TRAK1: variants seen among roughly 807,000 people sequenced by gnomAD.
The protein encoded by TRAK1 is trafficking kinesin-binding protein 1.
Under a neutral mutation model 92.1 loss-of-function variants are expected in TRAK1, and 33 were observed. The observed-to-expected ratio is 0.36, with a 90% CI of 0.27 to 0.48. The LOEUF (loss-of-function observed/expected upper bound fraction) is 0.48. TRAK1 is among the 20% of genes least tolerant of loss of function. The probability of loss-of-function intolerance (pLI) is 0.99; values close to 1 mark genes in which losing one functional copy is unlikely to be tolerated. For missense variants in TRAK1, 1,123 were observed against 1,257.9 expected, an observed-to-expected ratio of 0.89 and a Z score of 1.62; for synonymous variants, 521 against 517.3, an observed-to-expected ratio of 1.01 and a Z score of -0.10.
chr3:42,110,031 C>T (rs994034844), intron 1 of TRAK1, among the ~76,000 whole-genome samples: 1 of 137,690 alleles, frequency 7.3e-6, no homozygotes, highest in Non-Finnish European at 1.6e-5. Flanking sequence ...AGCACACCAA[C>T]ATGGCACATG....
intron 1 of TRAK1, among the ~76,000 whole-genome samples, chr3:42,019,387 C>T (rs766352193): frequency 6.6e-6 from 1 of 152,156 alleles, no homozygotes; most frequent in African/African-American, 2.4e-5. Flanking sequence ...GCCATCTTCC[C>T]GCTTTGGCTT....
chr3:42,093,916 C>T (rs917989188), intron 1 of TRAK1, among the ~76,000 whole-genome samples: 2 of 151,740 alleles, frequency 1.3e-5, no homozygotes, highest in African/African-American at 2.4e-5. Flanking sequence ...GTTGCCCAGG[C>T]TGATCCCAAA....
chr3:42,223,608 T>C lies in TRAK1; in HGVS notation c.2733T>C (p.Asn911=). Residue 911 remains asparagine, a synonymous_variant, in exon 16 of 16, where the codon AAT becomes AAC. Transcript: ENST00000327628. The surrounding 1 kb of genome is among the most constrained non-coding windows in gnomAD (Gnocchi z 6.1). ...VTSAIGGLQL[N]SGIRRNRSFP... Reference sequence around the variant, plus strand: ...GTGCCATCGGTGGGCTGCAGCTCAATAGTGGCATCCGGCGGAATCGCAGCT... The same window carrying C: ...GTGCCATCGGTGGGCTGCAGCTCAACAGTGGCATCCGGCGGAATCGCAGCT... 6.2e-7 allele frequency: 1 copy of C among 1,613,946 alleles called. No homozygotes were observed. Among genetic ancestry groups the C allele is most frequent in the Non-Finnish European group, 8.5e-7 (1 of 1,179,992 alleles).
chr3:42,078,372 G>A (rs1704259040), intron 1 of TRAK1, among the ~76,000 whole-genome samples: 1 of 152,154 alleles, frequency 6.6e-6, no homozygotes, highest in African/African-American at 2.4e-5. Context: ...TTGACCTTAA[G>A]ATAGGGAGAT....
intron 4 of TRAK1, among the ~76,000 whole-genome samples, chr3:42,186,979 T>G (rs1704976386): frequency 6.6e-6 from 1 of 152,232 alleles, no homozygotes; most frequent in South Asian, 2.1e-4. Flanking sequence ...CAATTCTTCT[T>G]ATAGCACTGG....
In TRAK1 at chr3:42,035,097, A is replaced by G. The variant is rs186188160; in HGVS notation, c.-519+20980A>G. Among the ~76,000 whole-genome samples the G allele has an allele frequency of 8.3e-4, 127 of 152,290 alleles. 1 individual carries two copies. The highest frequency in any genetic ancestry group is 1.2e-3 in the Non-Finnish European group (81 of 68,032). ...ATCTGAGCCTGTTATTCGAGCACCC[A>G]TAACCCAGTGAATATGGTGCTAAGT... On this transcript the variant is annotated intron_variant, in intron 1 of 16. Coordinates refer to the TRAK1 transcript ENST00000487159.
At chr3:42,187,129 T>A in intron 4 of TRAK1, among the ~76,000 whole-genome samples, 1 of 152,232 alleles carries the variant, frequency 6.6e-6, no homozygotes, top group East Asian at 1.9e-4. Flanking sequence ...TCCCTGATGG[T>A]TGGCTCTTTT....
intron 1 of TRAK1, among the ~76,000 whole-genome samples, chr3:42,115,937 C>A (rs897348805): frequency 6.6e-6 from 1 of 152,222 alleles, no homozygotes; most frequent in African/African-American, 2.4e-5. Flanking sequence ...ACAGTTTCCC[C>A]TTCTGTCTTT....
intron 1 of TRAK1, among the ~76,000 whole-genome samples, chr3:42,106,035 G>C (rs1365230268): frequency 6.6e-6 from 1 of 152,170 alleles, no homozygotes; most frequent in African/African-American, 2.4e-5. Context: ...AACATGGAAA[G>C]GAACAACCAG....
intron 2 of TRAK1, among the ~76,000 whole-genome samples, chr3:42,147,921 T>C (rs1699517883): frequency 6.6e-6 from 1 of 152,176 alleles, no homozygotes; most frequent in Non-Finnish European, 1.5e-5. Context: ...CGATACAAAG[T>C]ATGGATTCCA....
intron 1 of TRAK1, among the ~76,000 whole-genome samples, chr3:42,025,955 T>C (rs768208788): frequency 6.6e-6 from 1 of 152,214 alleles, no homozygotes; most frequent in African/African-American, 2.4e-5. Context: ...TTTTTTCCCA[T>C]GAACTTTTTT....
intron 2 of TRAK1, among the ~76,000 whole-genome samples, chr3:42,138,474 C>A (rs919520502): frequency 6.6e-6 from 1 of 152,036 alleles, no homozygotes; most frequent in East Asian, 1.9e-4. Context: ...CCTTCCTTAT[C>A]TTTTTCCATA....
intron 1 of TRAK1, among the ~76,000 whole-genome samples, chr3:42,113,155 C>T (rs7426457): frequency 0.44 from 66,540 of 152,036 alleles, 15,403 homozygotes; most frequent in South Asian, 0.6. Flanking sequence ...CTGAGGTGGG[C>T]GGATCAGTTA....
chr3:42,151,392 G>A (rs992350203), intron 2 of TRAK1: 3 of 456,396 alleles, frequency 6.6e-6, no homozygotes, highest in Admixed American at 2.4e-5. Context: ...TCCTCTAAGA[G>A]CAAAGGAAAA....
chr3:42,222,400 A>G (rs1710445645), intron 15 of TRAK1, among the ~76,000 whole-genome samples: 1 of 152,212 alleles, frequency 6.6e-6, no homozygotes, highest in African/African-American at 2.4e-5. Context: ...CTGGATGGGC[A>G]CAGCCTGGCC....
intron 1 of TRAK1, among the ~76,000 whole-genome samples, chr3:42,070,967 G>A (rs1362468988): frequency 1.3e-5 from 2 of 151,704 alleles, no homozygotes; most frequent in Non-Finnish European, 2.9e-5. Context: ...AGGCCTGTGG[G>A]CAAGTTATCT....
chr3:42,160,317 G>A, intron 2 of TRAK1: 1 of 1,609,022 alleles, frequency 6.2e-7, no homozygotes, highest in Non-Finnish European at 8.5e-7. Flanking sequence ...CACCCCCAAG[G>A]ATGGTCCCTT....
upstream of TRAK1, among the ~76,000 whole-genome samples, chr3:42,089,412 A>G (rs917603480): frequency 1.5e-4 from 23 of 152,016 alleles, no homozygotes; most frequent in African/African-American, 5.3e-4. Context: ...ATACAATCAG[A>G]TGGTTTAACT....
intron 1 of TRAK1, among the ~76,000 whole-genome samples, chr3:42,041,765 A>G (rs1377852697): frequency 6.6e-6 from 1 of 151,032 alleles, no homozygotes; most frequent in Non-Finnish European, 1.5e-5. Flanking sequence ...GGGTTGAGGA[A>G]GTTCCCTTCT....
Sources: gnomAD v4.1 joint callset for allele counts (sites outside exome capture counted in the v4.1 genomes callset) on GRCh38, gnomAD v4.1.1 for gene constraint, Gnocchi (gnomAD v3.1) non-coding constraint, MANE v1.5 for transcripts, NCBI Gene and HGNC (gene_info 2026-07-23, HGNC 2026-07-21) for gene names.